The following PLPP2 variants were observed in gnomAD, a reference collection of about 807,000 sequenced individuals.
The protein encoded by PLPP2 is phospholipid phosphatase 2.
A neutral mutation model predicts 35.2 loss-of-function variants in PLPP2; 29 were observed. That is an observed-to-expected ratio of 0.82 (90% confidence interval 0.61 to 1.12). PLPP2 has a LOEUF of 1.12. Among genes scored for constraint, PLPP2 ranks in the 50% most tolerant of loss-of-function variants. The pLI is 0.00. For synonymous variants in PLPP2, 162 were observed against 167.0 expected (o/e 0.97, Z 0.23); for missense variants, 353 against 375.2 (o/e 0.94, Z 0.49).
At chr19:285,937 C>T (rs1282795778) in intron 3 of PLPP2, 1 of 152,112 alleles carries the variant, frequency 6.6e-6, no homozygotes, top group Non-Finnish European at 1.5e-5. Context: ...GCACACTGCA[C>T]TCCAGCCTGG....
chr19:288,130 ACGGGG>A lies in PLPP2; in HGVS notation c.89_93del (p.Ala30ValfsTer10), dbSNP rs1177453051. On this transcript the variant is annotated frameshift_variant, in exon 2 of 6. Transcript: ENST00000434325. LOFTEE classifies it high-confidence loss of function. ...TCCCCGCAGTAAAATCCTCGCTTGTACGGGGCGTTCACCAGCGTCAGGATAGCGAA... is the reference window on the plus strand; with the variant it reads ...TCCCCGCAGTAAAATCCTCGCTTGTACGTTCACCAGCGTCAGGATAGCGAA... 6.8e-6 allele frequency: 11 copies of A among 1,609,294 alleles called. No homozygotes were observed. The highest frequency in any genetic ancestry group is 9.3e-6 in the Non-Finnish European group (11 of 1,176,818).
chr19:282,366 C>A (rs887097571), intron 4 of PLPP2, 56 bp from the exon 5 acceptor site: 1 of 1,533,714 alleles, frequency 6.5e-7, no homozygotes, highest in Non-Finnish European at 8.9e-7. Context: ...TCCCCCTCCC[C>A]CTGCACAGAC....
chr19:288,996 C>T (rs1375409625), intron 1 of PLPP2, among the ~76,000 whole-genome samples: 7 of 152,210 alleles, frequency 4.6e-5, no homozygotes, highest in Admixed American at 1.3e-4. Context: ...GCCCCTTCAT[C>T]GACCAGCCAC....
At chr19:288,544 CAT>C (rs1970318395) in intron 1 of PLPP2, 1 of 160,530 alleles carries the variant, frequency 6.2e-6, no homozygotes, top group Admixed American at 6.0e-5. Flanking sequence ...GATCCTCCAG[CAT>C]CAGCCTCCCA....
chr19:282,910 G>A (rs2145267499), intron 3 of PLPP2, 101 bp from the exon 4 acceptor site: 2 of 989,904 alleles, frequency 2.0e-6, no homozygotes, highest in Non-Finnish European at 3.1e-6. Context: ...GGAGGCTGCT[G>A]CTGTTAGATG....
At chr19:282,003 C>T in intron 5 of PLPP2, 131 bp downstream of exon 5, 1 of 1,045,832 alleles carries the variant, frequency 9.6e-7, no homozygotes, top group Admixed American at 2.1e-5. Flanking sequence ...GGAAGGGGTC[C>T]CAGGGAGGAC....
At position 287,893 on chromosome 19, in the gene PLPP2, G is replaced by A; in HGVS notation, c.204+127C>T. 1 of 1,509,988 alleles carries A rather than the reference G, an allele frequency of 6.6e-7. No individual in the cohort carries two copies. The allele number at this position is 1,509,988 out of a possible 1,614,324, so 93.5% of individuals were successfully genotyped here. The stretch of plus-strand genomic sequence containing the variant: ...TACCCACAGGTACCACTCAGGGCAA[G>A]GCTGTGTCCCCCGGCCCCACACAGA... On this transcript the variant is annotated intron_variant, in intron 2 of 5. Coordinates refer to ENST00000434325, the MANE Select transcript of PLPP2 (RefSeq NM_003712.4). This position sits in a 1 kb window ranked among gnomAD's most constrained non-coding sequence, Gnocchi z 4.3.
intron 3 of PLPP2, chr19:284,336 G>T (rs1487887616): frequency 7.1e-6 from 1 of 140,204 alleles, no homozygotes; most frequent in African/African-American, 2.8e-5. Flanking sequence ...TGGCAATAGG[G>T]TGAGACTCTG....
At chr19:282,638 C>T (rs1970203307) in intron 4 of PLPP2, 114 bp downstream of exon 4, 1 of 1,133,820 alleles carries the variant, frequency 8.8e-7, no homozygotes, top group Admixed American at 2.1e-5. Context: ...AATCAGTTAG[C>T]CCCCCTCACC....
At chr19:288,411 G>A in intron 1 of PLPP2, 1 of 385,928 alleles carries the variant, frequency 2.6e-6, no homozygotes. Flanking sequence ...AACTAACTCA[G>A]CAAACACCCA....
rs1208695593 is a variant in PLPP2, at chr19:287,370, C to G, written c.482+104G>C. 12 of 1,435,356 alleles carry G rather than the reference C, an allele frequency of 8.4e-6. No individual in the cohort carries two copies. The highest frequency in any genetic ancestry group is 1.1e-5 in the Non-Finnish European group (12 of 1,068,376). 88.9% of individuals were successfully genotyped at this position (1,435,356 alleles called of 1,614,324 possible). On this transcript the variant is annotated intron_variant, in intron 3 of 5. Transcript: ENST00000434325. The surrounding 1 kb of genome is among the most constrained non-coding windows in gnomAD (Gnocchi z 4.3). ...CAAAAATTAGCCGGGCGTGGTGGCGCACGCCTGTAGTCTCAGCTGCCTGCT... is the reference window on the plus strand; with the variant it reads ...CAAAAATTAGCCGGGCGTGGTGGCGGACGCCTGTAGTCTCAGCTGCCTGCT...
intron 3 of PLPP2, chr19:283,054 C>A: frequency 2.1e-6 from 1 of 479,966 alleles, no homozygotes; most frequent in Non-Finnish European, 3.7e-6. Context: ...ACCCAAAACC[C>A]AGGGCAGACA....
At position 287,528 on chromosome 19, in the gene PLPP2, T is replaced by G. The variant is rs775731930; in HGVS notation, c.428A>C (p.Tyr143Ser). The G allele has an allele frequency of 1.2e-6, 2 of 1,613,676 alleles. No individual in the cohort carries two copies. Among genetic ancestry groups the G allele is most frequent in the East Asian group, 2.2e-5 (1 of 44,886 alleles). Residue 143 changes from tyrosine to serine, a missense_variant, in exon 3 of 6, where the codon TAT (tyrosine) becomes TCT (serine). By Grantham distance (144) the Tyr-to-Ser change is moderately radical (BLOSUM62 -2). Coordinates refer to ENST00000434325, the MANE Select transcript of PLPP2 (RefSeq NM_003712.4). This position sits in a 1 kb window ranked among gnomAD's most constrained non-coding sequence, Gnocchi z 4.3. ...PDWSRVNCSV[Y>S]VQLEKVCRGN... is the part of the protein sequence containing the mutation. ...CCTGCACACCTTCTCCAGCTGCACA[T>G]AGACCGAGCAGTTGACCCGGCTCCA...
rs182517316 is a variant in PLPP2 at position 289,651 on chromosome 19, C to T, written c.53-1480G>A. Among the ~76,000 whole-genome samples, 7 of 152,028 alleles carry T rather than the reference C, an allele frequency of 4.6e-5. No individual in the cohort carries two copies. In the East Asian group the frequency reaches 5.8e-4, roughly 13 times the overall value. On this transcript the variant is annotated intron_variant, in intron 1 of 5. Transcript: ENST00000434325. ...TCAGGAGGCAGAGGTTGCAGTGAGC[C>T]GAGATTGCACCACTGCACACCAGCC... is the stretch of plus-strand genomic sequence containing the variant.
In PLPP2 at chr19:290,624, G is replaced by A. The variant is rs968909830; in HGVS notation, c.52+661C>T. Among the ~76,000 whole-genome samples, 21 of 152,330 alleles carry A rather than the reference G, an allele frequency of 1.4e-4. 1 individual carries two copies. The highest frequency in any genetic ancestry group is 5.0e-4 in the African/African-American group (21 of 41,586). ...CTTTGTTCCCGGGACCCTGCGGGAG[G>A]GGGGCCTCGGGATGCCCATTCCGCC... On this transcript the variant is annotated intron_variant, in intron 1 of 5. Transcript: ENST00000434325.
chr19:289,311 C>G (rs1457685929), intron 1 of PLPP2, among the ~76,000 whole-genome samples: 1 of 152,174 alleles, frequency 6.6e-6, no homozygotes, highest in Non-Finnish European at 1.5e-5. Flanking sequence ...ACACTCCTCC[C>G]GACATGCTAA....
rs1302810571 is a variant in PLPP2 at position 287,440 on chromosome 19, C to T, written c.482+34G>A. 6.3e-7 allele frequency: 1 copy of T among 1,581,554 alleles called. No homozygotes were observed. The highest frequency in any genetic ancestry group is 1.1e-5 in the South Asian group (1 of 87,468). On this transcript the variant is annotated intron_variant, in intron 3 of 5. Coordinates refer to ENST00000434325, the MANE Select transcript of PLPP2 (RefSeq NM_003712.4). The surrounding 1 kb of genome is among the most constrained non-coding windows in gnomAD (Gnocchi z 4.3). ...CCAGGGCCTTCTTCAGCTCCCATTC[C>T]CCACAAGAGTGAAGGCTGCTGGTCC...
intron 1 of PLPP2, among the ~76,000 whole-genome samples, chr19:289,221 A>G (rs745526634): frequency 6.6e-6 from 1 of 152,178 alleles, no homozygotes; most frequent in Non-Finnish European, 1.5e-5. Flanking sequence ...AAGGCAGGGC[A>G]TCCTTTGGCC....
At chr19:282,614 C>T (rs771404587) in intron 4 of PLPP2, 138 bp downstream of exon 4, 314 of 986,148 alleles carry the variant, frequency 3.2e-4, no homozygotes, top group Admixed American at 4.8e-4. Flanking sequence ...CAGGGCCTCC[C>T]GTTTTTATAA....
Sources: gnomAD v4.1 joint callset for allele counts (sites outside exome capture counted in the v4.1 genomes callset) on GRCh38, gnomAD v4.1.1 for gene constraint, Gnocchi (gnomAD v3.1) non-coding constraint, MANE v1.5 for transcripts, NCBI Gene and HGNC (gene_info 2026-07-23, HGNC 2026-07-21) for gene names.